The following MEIS1 variants were observed in gnomAD, a reference collection of about 807,000 sequenced individuals.
MEIS1 encodes homeobox protein Meis1.
Under a neutral mutation model 50.8 loss-of-function variants are expected in MEIS1, and 5 were observed. That is an observed-to-expected ratio of 0.10 (90% CI 0.05 to 0.21). MEIS1 has a LOEUF of 0.21. Among genes scored for constraint, MEIS1 ranks in the 10% least tolerant of loss-of-function variants. The pLI, the probability that MEIS1 is intolerant of heterozygous loss-of-function variation, is 1.00. For synonymous variants in MEIS1, 176 were observed against 179.3 expected, an observed-to-expected ratio of 0.98 and a Z score of 0.15; for missense variants, 318 against 517.3, an observed-to-expected ratio of 0.61 and a Z score of 3.74.
Position 66,435,677 on chromosome 2 carries a change from C to G in MEIS1, c.-180C>G. On this transcript the variant is annotated 5_prime_UTR_variant, in exon 1 of 13. Transcript: ENST00000272369. ...TGACTCGGGCGCTTTGCTTCAGGTC[C>G]CGTAGACCGAAGATCTGGGACCAGT... 1.8e-6 allele frequency: 1 copy of G among 542,018 alleles called. No homozygotes were observed. 33.6% of individuals were successfully genotyped at this position (542,018 alleles called of 1,614,324 possible). A position where few individuals can be genotyped will look rare whatever the true frequency, so the allele number is the denominator to read the frequency against.
At chr2:66,494,220 C>T (rs922228597) in intron 7 of MEIS1, among the ~76,000 whole-genome samples, 1 of 152,150 alleles carries the variant, frequency 6.6e-6, no homozygotes, top group Non-Finnish European at 1.5e-5. Flanking sequence ...AATAGCTCTC[C>T]CCGTGTAGAA....
chr2:66,483,216 ATTTTTTTTTTTTTGTC>A (rs763908650), intron 7 of MEIS1, among the ~76,000 whole-genome samples: 1 of 121,194 alleles, frequency 8.3e-6, no homozygotes, highest in Non-Finnish European at 1.8e-5. Context: ...AGTTATGCTT[ATTTTTTTTTTTTTGTC>A]TTTTTTTTTT....
intron 7 of MEIS1, among the ~76,000 whole-genome samples, chr2:66,485,557 CAT>C (rs1243833017): frequency 2.6e-5 from 4 of 152,294 alleles, no homozygotes; most frequent in East Asian, 1.9e-4. Flanking sequence ...CTGCAGTAAA[CAT>C]GTGTGTGCAT....
chr2:66,456,068 T>C (rs902021655), intron 6 of MEIS1, among the ~76,000 whole-genome samples: 6 of 152,150 alleles, frequency 3.9e-5, no homozygotes, highest in African/African-American at 1.4e-4. Flanking sequence ...CTTTTCCTCC[T>C]CTCTACATGC....
At chr2:66,473,397 A>AAAAAAAAAAAAATATATATATATAT in intron 7 of MEIS1, among the ~76,000 whole-genome samples, 5 of 107,582 alleles carry the variant, frequency 4.6e-5, no homozygotes, top group South Asian at 2.7e-4. Flanking sequence ...AAAAAAAAAA[A>AAAAAAAAAAAAATATATATATATAT]ATATATATAT....
intron 8 of MEIS1, among the ~76,000 whole-genome samples, chr2:66,520,110 C>T (rs1028968890): frequency 2.0e-5 from 3 of 151,962 alleles, no homozygotes; most frequent in African/African-American, 7.3e-5. Flanking sequence ...AACACTCATC[C>T]TATGAAAGAT....
chr2:66,512,362 T>A lies in MEIS1; in HGVS notation c.888+68T>A, dbSNP rs890600287. On this transcript the variant is annotated intron_variant, in intron 8 of 12. Coordinates refer to ENST00000272369, the MANE Select transcript of MEIS1 (RefSeq NM_002398.3). ...ATGAACCAGTTTTTATACAAAAAAA[T>A]GAGAAAAAAGTGATCCCTCTGGACT... 5 of 1,494,544 alleles carry A rather than the reference T, an allele frequency of 3.3e-6. No homozygotes were observed. The Admixed American group carries it at 7.5e-5, about 22-fold the overall frequency. The allele number at this position is 1,494,544 out of a possible 1,614,324, so 92.6% of individuals were successfully genotyped here.
intron 7 of MEIS1, among the ~76,000 whole-genome samples, chr2:66,477,641 G>T (rs1672924955): frequency 6.6e-6 from 1 of 152,206 alleles, no homozygotes; most frequent in Admixed American, 6.5e-5. Flanking sequence ...GCTGTCATGG[G>T]AATTTGGTGA....
chr2:66,464,021 T>G (rs1672579900), intron 6 of MEIS1, 88 bp from the exon 7 acceptor site: 1 of 926,936 alleles, frequency 1.1e-6, no homozygotes. Flanking sequence ...GCTCCAGCCC[T>G]CCATGGCTTT....
intron 6 of MEIS1, among the ~76,000 whole-genome samples, chr2:66,448,228 T>C: frequency 6.6e-6 from 1 of 152,200 alleles, no homozygotes; most frequent in East Asian, 1.9e-4. Flanking sequence ...TTTGAAAATA[T>C]ATAAATTTTA....
intron 9 of MEIS1, among the ~76,000 whole-genome samples, chr2:66,548,327 C>G (rs1410127422): frequency 6.6e-6 from 1 of 151,992 alleles, no homozygotes; most frequent in Non-Finnish European, 1.5e-5. Context: ...TTTCCCCCTT[C>G]AGGGTAATCG....
intron 7 of MEIS1, among the ~76,000 whole-genome samples, chr2:66,498,587 A>C (rs1300022116): frequency 1.3e-5 from 2 of 152,152 alleles, no homozygotes; most frequent in Non-Finnish European, 2.9e-5. Context: ...TTAGTCTTAG[A>C]GATACCCATG....
At chr2:66,524,344 T>C (rs545812106) in intron 8 of MEIS1, among the ~76,000 whole-genome samples, 1 of 152,110 alleles carries the variant, frequency 6.6e-6, no homozygotes, top group South Asian at 2.1e-4. Flanking sequence ...GGAAGACTGC[T>C]TAAGCCCCGG....
intron 7 of MEIS1, among the ~76,000 whole-genome samples, chr2:66,480,205 A>T (rs1478582035): frequency 1.3e-5 from 2 of 152,246 alleles, no homozygotes; most frequent in Non-Finnish European, 2.9e-5. Flanking sequence ...TAATGCTAAT[A>T]TGTGAGGATA....
intron 6 of MEIS1, among the ~76,000 whole-genome samples, chr2:66,463,255 G>A (rs954851702): frequency 6.6e-6 from 1 of 151,204 alleles, no homozygotes; most frequent in Admixed American, 6.6e-5. Context: ...TCACTTCCTA[G>A]TGAAGGACCA....
intron 6 of MEIS1, among the ~76,000 whole-genome samples, chr2:66,458,863 G>A (rs920401969): frequency 6.6e-6 from 1 of 152,112 alleles, no homozygotes; most frequent in Non-Finnish European, 1.5e-5. Context: ...ACAATGCCAG[G>A]TGACAATTTA....
At chr2:66,468,208 C>T (rs960948490) in intron 7 of MEIS1, among the ~76,000 whole-genome samples, 2 of 152,140 alleles carry the variant, frequency 1.3e-5, no homozygotes, top group African/African-American at 4.8e-5. Context: ...TTGCATCCTA[C>T]TGTGCATGGC....
At chr2:66,464,683 T>A (rs1381304087) in intron 7 of MEIS1, among the ~76,000 whole-genome samples, 1 of 152,152 alleles carries the variant, frequency 6.6e-6, no homozygotes, top group Non-Finnish European at 1.5e-5. Context: ...GTTGAAGTCA[T>A]TTTTTTCTGG....
intron 8 of MEIS1, among the ~76,000 whole-genome samples, chr2:66,527,591 AGTGTGTGT>A (rs71409176): frequency 0.028 from 3,527 of 124,424 alleles, 50 homozygotes; most frequent in East Asian, 0.053. Flanking sequence ...AGTAAAAGCA[AGTGTGTGT>A]GTGTGTGTGT....
Sources: allele counts gnomAD v4.1 joint callset (sites outside exome capture counted in the v4.1 genomes callset), GRCh38; gene constraint gnomAD v4.1.1; transcripts MANE v1.5; gene names NCBI Gene and HGNC (gene_info 2026-07-23, HGNC 2026-07-21).